The following HS3ST4 variants were observed in gnomAD, a reference collection of about 807,000 sequenced individuals.
HS3ST4 encodes heparan sulfate-glucosamine 3-sulfotransferase 4.
Under a neutral mutation model 29.2 loss-of-function variants are expected in HS3ST4, and 17 were observed. That is an observed-to-expected ratio of 0.58 (90% confidence interval 0.40 to 0.87). The LOEUF (loss-of-function observed/expected upper bound fraction) is 0.87. Ranked by LOEUF, HS3ST4 falls within the 40% of genes least tolerant of loss-of-function variation. HS3ST4 has a pLI of 0.00. For synonymous variants in HS3ST4, 314 were observed against 285.7 expected (o/e 1.10, Z -1.00); for missense variants, 627 against 634.5 (o/e 0.99, Z 0.13).
chr16:26,083,580 T>C (rs1214962223), intron 1 of HS3ST4, among the ~76,000 whole-genome samples: 1 of 152,204 alleles, frequency 6.6e-6, no homozygotes, highest in Admixed American at 6.5e-5. Flanking sequence ...AAAGTGAAAC[T>C]GGCCACAGAC....
At position 25,926,227 on chromosome 16, in the gene HS3ST4, C is replaced by T. The variant is rs146347020; in HGVS notation, c.735-209385C>T. ...CCCCTCTGTAAATCAATCCCTATTCCGACCCCAAGCCCCAAACAACCACTA... is the reference window on the plus strand; with the variant it reads ...CCCCTCTGTAAATCAATCCCTATTCTGACCCCAAGCCCCAAACAACCACTA... On this transcript the variant is annotated intron_variant, in intron 1 of 1. Coordinates refer to ENST00000331351, the MANE Select transcript of HS3ST4 (RefSeq NM_006040.3). Among the ~76,000 whole-genome samples, 786 of 152,266 alleles carry T rather than the reference C, an allele frequency of 5.2e-3. 11 individuals carry two copies. Among genetic ancestry groups the T allele is most frequent in the African/African-American group, 0.018 (728 of 41,546 alleles).
intron 1 of HS3ST4, among the ~76,000 whole-genome samples, chr16:25,731,837 A>G (rs1966571717): frequency 6.6e-6 from 1 of 152,222 alleles, no homozygotes; most frequent in Admixed American, 6.5e-5. Context: ...GAAAATAAAG[A>G]TGCTTCATTA....
intron 1 of HS3ST4, among the ~76,000 whole-genome samples, chr16:25,871,987 A>G (rs1567260890): frequency 1.3e-5 from 2 of 152,186 alleles, no homozygotes; most frequent in Non-Finnish European, 2.9e-5. Flanking sequence ...GGCTGGGTAT[A>G]GGTCCAGTTT....
chr16:25,959,098 T>A (rs927011170), intron 1 of HS3ST4, among the ~76,000 whole-genome samples: 18 of 152,050 alleles, frequency 1.2e-4, no homozygotes, highest in Admixed American at 7.9e-4. Context: ...GAATTTAGGG[T>A]TAGGATTTTT....
intron 1 of HS3ST4, among the ~76,000 whole-genome samples, chr16:25,761,051 A>G (rs767195240): frequency 6.6e-6 from 1 of 152,188 alleles, no homozygotes; most frequent in Non-Finnish European, 1.5e-5. Context: ...GAATGCATGC[A>G]TGGAGACCGA....
chr16:25,851,260 A>ATTT (rs1310797720), intron 1 of HS3ST4, among the ~76,000 whole-genome samples: 1 of 152,100 alleles, frequency 6.6e-6, no homozygotes, highest in Admixed American at 6.6e-5. Flanking sequence ...AAGCTGTTTC[A>ATTT]TTTTGTGTTT....
At chr16:26,131,509 A>T (rs749757687) in intron 1 of HS3ST4, among the ~76,000 whole-genome samples, 2 of 152,170 alleles carry the variant, frequency 1.3e-5, no homozygotes, top group Non-Finnish European at 2.9e-5. Flanking sequence ...AAAATGTGAG[A>T]ACATGAGTAT....
intron 1 of HS3ST4, among the ~76,000 whole-genome samples, chr16:26,092,582 G>A (rs1409098453): frequency 2.0e-5 from 3 of 152,190 alleles, no homozygotes; most frequent in Non-Finnish European, 2.9e-5. Flanking sequence ...GAATGCATGA[G>A]CAAGTGGTTG....
Position 25,914,347 on chromosome 16 carries a change from G to A in HS3ST4, c.734+221196G>A, listed in dbSNP as rs527569220. Among the ~76,000 whole-genome samples, 219 of 151,412 alleles carry A rather than the reference G, an allele frequency of 1.4e-3. 1 individual carries two copies. Among genetic ancestry groups the A allele is most frequent in the African/African-American group, 5.2e-3 (212 of 41,164 alleles). On this transcript the variant is annotated intron_variant, in intron 1 of 1. Coordinates refer to ENST00000331351, the MANE Select transcript of HS3ST4 (RefSeq NM_006040.3). Reference sequence around the variant, plus strand: ...TATATGTGGTGTGATGTATGTATGTGGGGTGTGTATGTTTATGGGGCTGGA... The same window carrying A: ...TATATGTGGTGTGATGTATGTATGTAGGGTGTGTATGTTTATGGGGCTGGA...
intron 1 of HS3ST4, among the ~76,000 whole-genome samples, chr16:25,949,890 A>G (rs1968666023): frequency 6.6e-6 from 1 of 152,132 alleles, no homozygotes; most frequent in Non-Finnish European, 1.5e-5. Context: ...GAAGCCTACT[A>G]AAAAATGGGT....
intron 1 of HS3ST4, among the ~76,000 whole-genome samples, chr16:25,803,688 C>T (rs1451958688): frequency 1.3e-5 from 2 of 151,914 alleles, no homozygotes; most frequent in African/African-American, 2.4e-5. Context: ...AAGGAGTTTC[C>T]ACTTGTTCAA....
intron 1 of HS3ST4, among the ~76,000 whole-genome samples, chr16:25,707,065 C>T (rs765720259): frequency 6.6e-6 from 1 of 152,318 alleles, no homozygotes. Flanking sequence ...CCTGTAGACT[C>T]TACCCATCCT....
chr16:25,820,359 C>T (rs559288226), intron 1 of HS3ST4, among the ~76,000 whole-genome samples: 16 of 152,222 alleles, frequency 1.1e-4, no homozygotes, highest in South Asian at 4.2e-4. Flanking sequence ...GCTCTTTGAC[C>T]TTGTTCTTTG....
At chr16:25,795,834 A>G (rs1035183869) in intron 1 of HS3ST4, among the ~76,000 whole-genome samples, 3 of 151,900 alleles carry the variant, frequency 2.0e-5, no homozygotes, top group African/African-American at 7.3e-5. Context: ...CCAGTGCATC[A>G]CCCTCTACGT....
In HS3ST4 at chr16:25,830,040, G is replaced by A. The variant is rs142256149; in HGVS notation, c.734+136889G>A. On this transcript the variant is annotated intron_variant, in intron 1 of 1. Transcript: ENST00000331351. ...TGGTTTCGGCATGTTGCCCAGGCTG[G>A]TGTCGAGCTCCTGAGTTCAGGCAAT... Among the ~76,000 whole-genome samples the A allele has an allele frequency of 3.2e-3, 491 of 152,178 alleles. 5 individuals are homozygous for A. The highest frequency in any genetic ancestry group is 0.011 in the African/African-American group (469 of 41,532).
At chr16:25,906,016 A>G (rs1968176113) in intron 1 of HS3ST4, among the ~76,000 whole-genome samples, 1 of 152,212 alleles carries the variant, frequency 6.6e-6, no homozygotes, top group Non-Finnish European at 1.5e-5. Context: ...CCACAGTAAA[A>G]CATATATATC....
intron 1 of HS3ST4, among the ~76,000 whole-genome samples, chr16:25,935,921 T>TC (rs34394504): frequency 6.6e-6 from 1 of 152,054 alleles, no homozygotes; most frequent in Non-Finnish European, 1.5e-5. Flanking sequence ...GACTTTTTTT[T>TC]AATTTTTGAA....
At chr16:25,697,408 A>C (rs1312840040) in intron 1 of HS3ST4, among the ~76,000 whole-genome samples, 1 of 152,234 alleles carries the variant, frequency 6.6e-6, no homozygotes, top group Non-Finnish European at 1.5e-5. Context: ...ATGTGCTGTA[A>C]GTGTAAGATA....
chr16:25,692,718 C>A lies in HS3ST4; in HGVS notation c.301C>A (p.Pro101Thr). 1 of 1,239,232 alleles carries A rather than the reference C, an allele frequency of 8.1e-7. No homozygotes were observed. Among genetic ancestry groups the A allele is most frequent in the Non-Finnish European group, 1.0e-6 (1 of 993,754 alleles). 76.8% of individuals were successfully genotyped at this position (1,239,232 alleles called of 1,614,324 possible). A position where few individuals can be genotyped will look rare whatever the true frequency, so the allele number is the denominator to read the frequency against. ...CGCCCCCTCGCAGCCGCCCGCGCCGCCGCCGCTGGACAACGCGAGCCACGG... is the reference window on the plus strand; with the variant it reads ...CGCCCCCTCGCAGCCGCCCGCGCCGACGCCGCTGGACAACGCGAGCCACGG... ...LGAPSQPPAP[P>T]PLDNASHGEP... The change falls in exon 1 of 2, where the codon CCG (proline) becomes ACG (threonine). Residue 101 changes from proline (P) to threonine (T), a missense_variant. Physicochemically the swap from Pro to Thr is conservative, Grantham distance 38. This residue lies in a region of HS3ST4 where 402 missense variants were observed against 340.8 expected (regional missense o/e 1.18). Transcript: ENST00000331351.
Sources: gnomAD v4.1 joint callset for allele counts (sites outside exome capture counted in the v4.1 genomes callset) on GRCh38, gnomAD v4.1.1 for gene constraint, gnomAD v4.1.1 regional missense constraint, MANE v1.5 for transcripts, NCBI Gene and HGNC (gene_info 2026-07-23, HGNC 2026-07-21) for gene names.